KIAA1217: variants seen among roughly 807,000 people sequenced by gnomAD.
KIAA1217 encodes sickle tail protein homolog.
In KIAA1217, 88 loss-of-function variants were observed where a neutral mutation model predicts 163.9. That is an observed-to-expected ratio of 0.54 (90% CI 0.45 to 0.64). The LOEUF (loss-of-function observed/expected upper bound fraction) is 0.64, where lower values mean the gene tolerates loss of function less well. Ranked by LOEUF, KIAA1217 falls within the 30% of genes least tolerant of loss-of-function variation. KIAA1217 has a pLI of 0.00. For synonymous variants in KIAA1217, 903 were observed against 923.1 expected, an observed-to-expected ratio of 0.98 and a Z score of 0.39; for missense variants, 2,372 against 2,475.0, an observed-to-expected ratio of 0.96 and a Z score of 0.88.
chr10:24,118,267 A>T (rs2063140574), intron 2 of KIAA1217, among the ~76,000 whole-genome samples: 1 of 152,028 alleles, frequency 6.6e-6, no homozygotes, highest in Non-Finnish European at 1.5e-5. Flanking sequence ...AGGGGTGATG[A>T]CAAACAGGGC....
intron 1 of KIAA1217, among the ~76,000 whole-genome samples, chr10:23,909,499 T>C (rs937532344): frequency 1.3e-5 from 2 of 151,612 alleles, no homozygotes; most frequent in East Asian, 1.9e-4. Flanking sequence ...CCTAAATGCA[T>C]ACCTTCCGAA....
chr10:23,765,458 C>A (rs1834465422), intron 1 of KIAA1217, among the ~76,000 whole-genome samples: 1 of 152,088 alleles, frequency 6.6e-6, no homozygotes, highest in South Asian at 2.1e-4. Flanking sequence ...CAGGTGTGAG[C>A]CACCACGCCC....
chr10:23,824,704 G>T (rs1216763149), intron 1 of KIAA1217, among the ~76,000 whole-genome samples: 1 of 133,312 alleles, frequency 7.5e-6, no homozygotes, highest in Non-Finnish European at 1.6e-5. Flanking sequence ...ATGTAAAGGA[G>T]AAAACAGGTA....
At chr10:24,161,483 T>C (rs2065118401) in intron 2 of KIAA1217, among the ~76,000 whole-genome samples, 1 of 152,206 alleles carries the variant, frequency 6.6e-6, no homozygotes, top group Non-Finnish European at 1.5e-5. Flanking sequence ...AAATACACTA[T>C]TAACACACAC....
intron 1 of KIAA1217, among the ~76,000 whole-genome samples, chr10:23,899,450 G>A (rs558480946): frequency 2.0e-5 from 3 of 152,182 alleles, no homozygotes; most frequent in Non-Finnish European, 4.4e-5. Flanking sequence ...CATCTGACTT[G>A]AATCTTCAAA....
At chr10:24,296,844 T>A (rs2040681013) in intron 2 of KIAA1217, among the ~76,000 whole-genome samples, 1 of 152,174 alleles carries the variant, frequency 6.6e-6, no homozygotes, top group Non-Finnish European at 1.5e-5. Flanking sequence ...AAAAAGAAAT[T>A]GCTAGCATCT....
intron 1 of KIAA1217, among the ~76,000 whole-genome samples, chr10:23,859,076 A>G (rs994762269): frequency 6.6e-6 from 1 of 152,266 alleles, no homozygotes; most frequent in Non-Finnish European, 1.5e-5. Flanking sequence ...AATGATTTCA[A>G]TATACTATAA....
chr10:23,795,288 C>G (rs536800182), intron 1 of KIAA1217, among the ~76,000 whole-genome samples: 2 of 152,192 alleles, frequency 1.3e-5, no homozygotes, highest in African/African-American at 4.8e-5. Context: ...TTATGCCTCA[C>G]TAGTTCTCCC....
At chr10:24,454,887 T>A (rs2061649880) in intron 5 of KIAA1217, among the ~76,000 whole-genome samples, 2 of 151,742 alleles carry the variant, frequency 1.3e-5, no homozygotes, top group African/African-American at 4.9e-5. Flanking sequence ...TCTGCTCCAC[T>A]GCAACACAAC....
At chr10:24,545,189 T>G in intron 20 of KIAA1217, 86 bp downstream of exon 20, 8 of 1,566,408 alleles carry the variant, frequency 5.1e-6, no homozygotes, top group Non-Finnish European at 7.0e-6. Flanking sequence ...TATTGTGCTT[T>G]CTTTGTAAGA....
At position 24,263,452 on chromosome 10, in the gene KIAA1217, G is replaced by A. The variant is rs188745657; in HGVS notation, c.354+43543G>A. 5.8e-3 allele frequency among the ~76,000 whole-genome samples: 887 copies of A among 152,216 alleles called. 10 individuals carry two copies. Among genetic ancestry groups the A allele is most frequent in the African/African-American group, 0.021 (860 of 41,520 alleles). On this transcript the variant is annotated intron_variant, in intron 2 of 20. Transcript: ENST00000376454. ...TTGTGTTATCATCTGCCTGGGTTTC[G>A]TCCCCAGGACAGAACGGCATGAATG...
At chr10:24,051,145 C>T (rs1849473798) in intron 2 of KIAA1217, among the ~76,000 whole-genome samples, 1 of 152,182 alleles carries the variant, frequency 6.6e-6, no homozygotes, top group Non-Finnish European at 1.5e-5. Flanking sequence ...CATAGCTTAG[C>T]TCCTGCTTAT....
chr10:23,939,688 C>T (rs571590796), intron 1 of KIAA1217, among the ~76,000 whole-genome samples: 2 of 151,680 alleles, frequency 1.3e-5, no homozygotes, highest in African/African-American at 4.8e-5. Flanking sequence ...GCAGTTGTTA[C>T]TTAATTAGTG....
At chr10:23,903,397 A>G (rs1337132161) in intron 1 of KIAA1217, among the ~76,000 whole-genome samples, 2 of 152,142 alleles carry the variant, frequency 1.3e-5, no homozygotes, top group Non-Finnish European at 2.9e-5. Context: ...AGAAAAGCCC[A>G]TCATACCTAT....
rs565919744 is a variant in KIAA1217, at chr10:24,378,455, C to T, written c.355-2414C>T. 4.6e-5 allele frequency among the ~76,000 whole-genome samples: 7 copies of T among 152,296 alleles called. No homozygotes were observed. The East Asian group carries it at 1.4e-3, about 29-fold the overall frequency. On this transcript the variant is annotated intron_variant, in intron 2 of 20. Coordinates refer to ENST00000376454, the MANE Select transcript of KIAA1217 (RefSeq NM_019590.5). Reference sequence around the variant, plus strand: ...GATGCCCCTTTAAACTCAGCAGTTACTGCCCCAGACTCCTTCTGCACCCAG... The same window carrying T: ...GATGCCCCTTTAAACTCAGCAGTTATTGCCCCAGACTCCTTCTGCACCCAG...
chr10:24,254,473 T>A (rs546170403), intron 2 of KIAA1217, among the ~76,000 whole-genome samples: 132 of 152,284 alleles, frequency 8.7e-4, no homozygotes, highest in Non-Finnish European at 1.3e-3. Flanking sequence ...GTTAGGTGGG[T>A]TGGGGGCTGC....
intron 8 of KIAA1217, 88 bp downstream of exon 8, chr10:24,495,284 A>G: frequency 6.7e-6 from 7 of 1,042,838 alleles, no homozygotes; most frequent in Non-Finnish European, 1.0e-5. Flanking sequence ...ACATTTCCCT[A>G]AGTCACGTAT....
intron 3 of KIAA1217, among the ~76,000 whole-genome samples, chr10:24,384,873 T>A (rs553115936): frequency 6.6e-6 from 1 of 152,374 alleles, no homozygotes. Context: ...TTATTTATCA[T>A]GATCACTGAG....
intron 2 of KIAA1217, among the ~76,000 whole-genome samples, chr10:24,323,821 G>C (rs1252533161): frequency 1.4e-5 from 2 of 147,824 alleles, no homozygotes; most frequent in Non-Finnish European, 3.0e-5. Flanking sequence ...GTGTGTGTGT[G>C]TGTGTGTGTG....
Sources: allele counts gnomAD v4.1 joint callset (sites outside exome capture counted in the v4.1 genomes callset), GRCh38; gene constraint gnomAD v4.1.1; transcripts MANE v1.5; gene names NCBI Gene and HGNC (gene_info 2026-07-23, HGNC 2026-07-21).